The following ACACA variants were observed in gnomAD, a reference collection of about 807,000 sequenced individuals.
ACACA encodes the protein acetyl-CoA carboxylase alpha.
ACACA carries 103 observed loss-of-function variants against 296.1 expected under a neutral mutation model. The observed-to-expected ratio is 0.35, with a 90% CI of 0.30 to 0.41. The LOEUF (loss-of-function observed/expected upper bound fraction) is 0.41. ACACA is among the 10% of genes least tolerant of loss of function. The probability of loss-of-function intolerance (pLI) is 1.00; values close to 1 mark genes in which losing one functional copy is unlikely to be tolerated. For synonymous variants in ACACA, 953 were observed against 1,038.6 expected, an observed-to-expected ratio of 0.92 and a Z score of 1.58; for missense variants, 1,554 against 2,989.7, an observed-to-expected ratio of 0.52 and a Z score of 11.20.
intron 33 of ACACA, among the ~76,000 whole-genome samples, chr17:37,202,712 TACACACAC>T (rs71159694): frequency 1.3e-3 from 48 of 37,438 alleles, no homozygotes; most frequent in African/African-American, 1.4e-3. Flanking sequence ...TATATATATA[TACACACAC>T]ACATATATTT....
chr17:37,362,328 T>C (rs916450466), intron 1 of ACACA, among the ~76,000 whole-genome samples: 8 of 152,210 alleles, frequency 5.3e-5, no homozygotes, highest in Admixed American at 3.3e-4. Flanking sequence ...GGACTCATCC[T>C]GAGCATCCCA....
chr17:37,283,472 A>ATGAGAGAATTTTTACATATC (rs2082637758), intron 4 of ACACA, 67 bp from the exon 5 acceptor site: 1 of 1,563,948 alleles, frequency 6.4e-7, no homozygotes, highest in East Asian at 2.3e-5. Context: ...AGGAAAAGAG[A>ATGAGAGAATTTTTACATATC]TGAGAGAATT....
intron 1 of ACACA, among the ~76,000 whole-genome samples, chr17:37,340,555 C>G (rs1442003603): frequency 6.6e-6 from 1 of 152,146 alleles, no homozygotes; most frequent in Non-Finnish European, 1.5e-5. Flanking sequence ...TGGAAATACA[C>G]GCTTGAGAAC....
At chr17:37,141,993 GTTTTTTTTGTT>G (rs2075602600) in intron 45 of ACACA, among the ~76,000 whole-genome samples, 1 of 117,240 alleles carries the variant, frequency 8.5e-6, no homozygotes, top group South Asian at 3.7e-4. Flanking sequence ...GCCTGGCCAA[GTTTTTTTTGTT>G]TTTTTTTGTT....
chr17:37,311,477 G>A (rs1304782231), intron 3 of ACACA, among the ~76,000 whole-genome samples: 3 of 151,530 alleles, frequency 2.0e-5, no homozygotes, highest in South Asian at 4.2e-4. Context: ...ATGAGAAGGA[G>A]AATACAGATA....
chr17:37,390,729 T>C (rs1210998096), intron 1 of ACACA, among the ~76,000 whole-genome samples: 3 of 148,272 alleles, frequency 2.0e-5, no homozygotes, highest in Non-Finnish European at 3.0e-5. Context: ...GGAATTGAAG[T>C]CTGCAATGAG....
intron 19 of ACACA, among the ~76,000 whole-genome samples, chr17:37,245,856 T>G (rs1372574811): frequency 6.6e-6 from 1 of 152,154 alleles, no homozygotes; most frequent in Non-Finnish European, 1.5e-5. Context: ...AACTTACTAG[T>G]ATGGTTTATA....
chr17:37,212,130 C>G (rs1040449085), intron 29 of ACACA, among the ~76,000 whole-genome samples: 2 of 152,174 alleles, frequency 1.3e-5, no homozygotes, highest in Admixed American at 1.3e-4. Flanking sequence ...ACTCTACAAC[C>G]AAAGAAACCT....
chr17:37,163,502 T>A (rs2076548365), intron 41 of ACACA, among the ~76,000 whole-genome samples: 3 of 152,196 alleles, frequency 2.0e-5, no homozygotes, highest in African/African-American at 7.2e-5. Flanking sequence ...TTTTGTGACA[T>A]TTGTTCCAAG....
chr17:37,087,312 C>A lies in ACACA; in HGVS notation c.*4G>T. Reference sequence around the variant, plus strand: ...ACAGGGCAGGGACAGGCAGGAAGCTCTTCCTACGTGGAAGGGGAATCCATT... The same window carrying A: ...ACAGGGCAGGGACAGGCAGGAAGCTATTCCTACGTGGAAGGGGAATCCATT... On this transcript the variant is annotated 3_prime_UTR_variant, in exon 56 of 56. Transcript: ENST00000616317. The A allele has an allele frequency of 1.2e-6, 2 of 1,614,154 alleles. No individual in the cohort carries two copies. The highest frequency in any genetic ancestry group is 1.7e-6 in the Non-Finnish European group (2 of 1,180,042).
chr17:37,227,878 AT>A (rs1176789224), intron 25 of ACACA, among the ~76,000 whole-genome samples: 42 of 148,132 alleles, frequency 2.8e-4, no homozygotes, highest in South Asian at 4.2e-4. Context: ...AAAAAAAAAA[AT>A]TTTTTTTAAA....
chr17:37,404,808 C>A (rs144594888), intron 1 of ACACA, among the ~76,000 whole-genome samples: 80 of 152,070 alleles, frequency 5.3e-4, no homozygotes, highest in African/African-American at 1.9e-3. Flanking sequence ...GAACTTCTAA[C>A]CTCAAGTGAT....
chr17:37,089,174 C>T (rs2072436275), intron 54 of ACACA, 100 bp from the exon 55 acceptor site: 18 of 1,543,426 alleles, frequency 1.2e-5, no homozygotes, highest in South Asian at 7.8e-5. Context: ...CAAAAGTGTG[C>T]TCCGTGTCCA....
chr17:37,382,971 A>C (rs2147757559), intron 1 of ACACA, among the ~76,000 whole-genome samples: 1 of 152,320 alleles, frequency 6.6e-6, no homozygotes, highest in South Asian at 2.1e-4. Context: ...CGGGAGGCGG[A>C]GGTTGCAGTG....
intron 38 of ACACA, among the ~76,000 whole-genome samples, chr17:37,190,181 C>T (rs891653404): frequency 1.3e-5 from 2 of 152,112 alleles, no homozygotes; most frequent in Non-Finnish European, 2.9e-5. Flanking sequence ...GTAATCCCAG[C>T]ACTTTGGGAG....
At chr17:37,227,716 C>T (rs577728263) in intron 25 of ACACA, among the ~76,000 whole-genome samples, 2 of 151,990 alleles carry the variant, frequency 1.3e-5, no homozygotes, top group African/African-American at 2.4e-5. Flanking sequence ...AAAAATTAGC[C>T]GGGCGTGGTG....
At chr17:37,144,389 T>C (rs111254046) in intron 45 of ACACA, 207 of 405,766 alleles carry the variant, frequency 5.1e-4, no homozygotes, top group Middle Eastern at 8.3e-4. Context: ...CTTTAAGTTA[T>C]GTGAAAGTTA....
At chr17:37,094,890 C>T (rs2072890122) in intron 54 of ACACA, among the ~76,000 whole-genome samples, 1 of 152,246 alleles carries the variant, frequency 6.6e-6, no homozygotes, top group Non-Finnish European at 1.5e-5. Flanking sequence ...GCCCCCAGTG[C>T]CTAGGCAGCC....
Position 37,330,160 on chromosome 17 carries a change from A to G in ACACA, c.338+13T>C. The G allele has an allele frequency of 1.2e-6, 2 of 1,613,954 alleles. No homozygotes were observed. Among genetic ancestry groups the G allele is most frequent in the Non-Finnish European group, 1.7e-6 (2 of 1,179,916 alleles). ...GACAGATTAAATAAGTAGACCATTG[A>G]ACTCTCTCTTACCTTATGTGCAAGG... On this transcript the variant is annotated intron_variant, in intron 3 of 55. Coordinates refer to ENST00000616317, the MANE Select transcript of ACACA (RefSeq NM_198834.3).
Sources: gnomAD v4.1 joint callset for allele counts (sites outside exome capture counted in the v4.1 genomes callset) on GRCh38, gnomAD v4.1.1 for gene constraint, MANE v1.5 for transcripts, NCBI Gene and HGNC (gene_info 2026-07-23, HGNC 2026-07-21) for gene names.